Variants in IARS1 observed in about 807,000 individuals in gnomAD.
IARS1 encodes isoleucine--tRNA ligase, cytoplasmic.
A neutral mutation model predicts 168.2 loss-of-function variants in IARS1; 124 were observed. The observed-to-expected ratio is 0.74, with a 90% CI of 0.64 to 0.86. The LOEUF (loss-of-function observed/expected upper bound fraction) is 0.86. Ranked by LOEUF, IARS1 falls within the 40% of genes least tolerant of loss-of-function variation. IARS1 has a pLI of 0.00. For missense variants in IARS1, 1,452 were observed against 1,515.8 expected, an observed-to-expected ratio of 0.96 and a Z score of 0.70; for synonymous variants, 532 against 529.4, an observed-to-expected ratio of 1.00 and a Z score of -0.07.
chr9:92,250,333 G>A (rs775309633), intron 23 of IARS1, 44 bp from the exon 24 acceptor site: 7 of 1,259,710 alleles, frequency 5.6e-6, no homozygotes, highest in Non-Finnish European at 8.1e-6. Context: ...AGATTTAAGA[G>A]GAGAAAATTG....
intron 10 of IARS1, 55 bp from the exon 11 acceptor site, chr9:92,271,710 C>T: frequency 2.5e-6 from 4 of 1,575,246 alleles, no homozygotes; most frequent in Non-Finnish European, 1.7e-6. Flanking sequence ...TGGGTGTGAG[C>T]ATGAGGTAAT....
intron 33 of IARS1, among the ~76,000 whole-genome samples, chr9:92,218,884 C>T (rs900797446): frequency 6.6e-6 from 1 of 151,832 alleles, no homozygotes; most frequent in Non-Finnish European, 1.5e-5. Context: ...CCCCATCAAG[C>T]TACCAATGCC....
At chr9:92,246,788 T>C (rs898394909) in intron 26 of IARS1, among the ~76,000 whole-genome samples, 4 of 152,248 alleles carry the variant, frequency 2.6e-5, no homozygotes, top group African/African-American at 9.6e-5. Context: ...GGATTACAGA[T>C]GTGAGCCGCT....
In IARS1 at chr9:92,289,316, G is replaced by T; in HGVS notation, c.104C>A (p.Ser35Ter). Residue 35 changes from serine (S) to a stop codon, truncating the protein, a stop_gained, in exon 2 of 34, where the codon TCA (serine) becomes TAA (stop). Transcript: ENST00000443024. LOFTEE classifies it high-confidence loss of function. Reference protein sequence around the residue: ...FNCFQECLKQSKHKPKFTFYD... With the variant: ...FNCFQECLKQ ...ATTCACATACTTTGGTTTATGTTTT[G>T]ATTGCTTTAAGCATTCCTGAAAACA... is the stretch of plus-strand genomic sequence containing the variant. 8 of 1,449,428 alleles carry T rather than the reference G, an allele frequency of 5.5e-6. No homozygotes were observed. Among genetic ancestry groups the T allele is most frequent in the South Asian group, 2.4e-5 (2 of 84,088 alleles). 89.8% of individuals were successfully genotyped at this position (1,449,428 alleles called of 1,614,324 possible).
At chr9:92,282,063 A>T (rs1333577810) in intron 6 of IARS1, among the ~76,000 whole-genome samples, 1 of 152,184 alleles carries the variant, frequency 6.6e-6, no homozygotes, top group Non-Finnish European at 1.5e-5. Flanking sequence ...CATCAATGTT[A>T]ATTTTCTAAC....
chr9:92,288,111 G>A lies in IARS1; in HGVS notation c.276+15C>T. On this transcript the variant is annotated intron_variant, in intron 3 of 33. Coordinates refer to ENST00000443024, the MANE Select transcript of IARS1 (RefSeq NM_002161.6). ...AAAAAATCAGAAAATTATAAAGCTG[G>A]ATACTCAAACATACCACAGGTAAGC... 2 of 1,605,374 alleles carry A rather than the reference G, an allele frequency of 1.2e-6. No individual in the cohort carries two copies. The highest frequency in any genetic ancestry group is 1.7e-6 in the Non-Finnish European group (2 of 1,177,052).
chr9:92,213,828 T>C (rs1838171088), intron 33 of IARS1, among the ~76,000 whole-genome samples: 1 of 151,086 alleles, frequency 6.6e-6, no homozygotes, highest in Non-Finnish European at 1.5e-5. Context: ...ATTTTTTTTC[T>C]GAGATGGAGT....
At chr9:92,262,700 A>G (rs982945910) in intron 17 of IARS1, among the ~76,000 whole-genome samples, 1 of 152,242 alleles carries the variant, frequency 6.6e-6, no homozygotes, top group African/African-American at 2.4e-5. Flanking sequence ...TCTATAAGCA[A>G]AAGTATTTCA....
Position 92,279,657 on chromosome 9 carries a change from A to C in IARS1, c.745+1089T>G, listed in dbSNP as rs184056841. Among the ~76,000 whole-genome samples, 33 of 152,340 alleles carry C rather than the reference A, an allele frequency of 2.2e-4. No individual in the cohort carries two copies. The East Asian group carries it at 6.4e-3, about 29-fold the overall frequency. On this transcript the variant is annotated intron_variant, in intron 7 of 33. Transcript: ENST00000443024. ...TCAATCAAGTTGACTGTTTTAATAC[A>C]ACTATTTTTAAAAATCATGGTAACC...
intron 9 of IARS1, among the ~76,000 whole-genome samples, chr9:92,274,728 G>A (rs542241642): frequency 1.3e-5 from 2 of 152,052 alleles, no homozygotes; most frequent in Non-Finnish European, 2.9e-5. Flanking sequence ...ACTTATAAAC[G>A]AAATAATTAT....
At chr9:92,214,750 G>A (rs1298143507) in intron 33 of IARS1, among the ~76,000 whole-genome samples, 2 of 152,218 alleles carry the variant, frequency 1.3e-5, no homozygotes, top group Admixed American at 6.5e-5. Flanking sequence ...ATTATACCCC[G>A]CACCTAGCTC....
chr9:92,276,469 C>A (rs988461396), intron 9 of IARS1, among the ~76,000 whole-genome samples: 2 of 151,994 alleles, frequency 1.3e-5, no homozygotes, highest in Non-Finnish European at 2.9e-5. Context: ...GGGATGAGGG[C>A]AGAACATATG....
At chr9:92,273,912 G>T (rs1833442831) in intron 10 of IARS1, among the ~76,000 whole-genome samples, 1 of 152,216 alleles carries the variant, frequency 6.6e-6, no homozygotes, top group South Asian at 2.1e-4. Flanking sequence ...CCCAGGAACT[G>T]CCCGTTAGTG....
At chr9:92,275,721 C>G (rs569807418) in intron 9 of IARS1, among the ~76,000 whole-genome samples, 2 of 152,336 alleles carry the variant, frequency 1.3e-5, no homozygotes, top group South Asian at 4.1e-4. Context: ...TCAGTAGATA[C>G]CAACCACCAG....
chr9:92,222,239 C>T (rs1839763620), intron 33 of IARS1, among the ~76,000 whole-genome samples: 1 of 148,886 alleles, frequency 6.7e-6, no homozygotes, highest in East Asian at 2.0e-4. Context: ...ATCCTTGTTC[C>T]TGGGTTGAAG....
chr9:92,264,248 T>C (rs748098482), intron 16 of IARS1, among the ~76,000 whole-genome samples: 16 of 151,440 alleles, frequency 1.1e-4, no homozygotes, highest in African/African-American at 3.6e-4. Flanking sequence ...GGCAGAAGAA[T>C]TGCTTGAACC....
intron 27 of IARS1, chr9:92,243,558 A>T (rs1828757830): frequency 5.8e-6 from 2 of 345,684 alleles, no homozygotes; most frequent in African/African-American, 2.1e-5. Context: ...TGCTGCTCAC[A>T]GGAGATGCCC....
rs1346183456 is a variant in IARS1 at position 92,250,286 on chromosome 9, TTC to T, written c.2431_2432del (p.Glu811ArgfsTer4). 2 of 1,572,216 alleles carry T rather than the reference TTC, an allele frequency of 1.3e-6. No individual in the cohort carries two copies. The highest frequency in any genetic ancestry group is 1.8e-6 in the Non-Finnish European group (2 of 1,141,988). On this transcript the variant is annotated frameshift_variant and splice_region_variant, in exon 24 of 34. Transcript: ENST00000443024. LOFTEE classifies it high-confidence loss of function. Reference sequence around the variant, plus strand: ...TCTCTGTTTTCTTGTCAATCAATTCTTCTCTGAGTGGTAGAGGTAGGAATATG... The same window carrying T: ...TCTCTGTTTTCTTGTCAATCAATTCTTCTGAGTGGTAGAGGTAGGAATATG... ...IHYLMLPRVR[E>X]ELIDKKTESA...
At chr9:92,227,433 G>T in intron 31 of IARS1, among the ~76,000 whole-genome samples, 1 of 147,152 alleles carries the variant, frequency 6.8e-6, no homozygotes, top group South Asian at 2.2e-4. Context: ...CCGGGCGGGG[G>T]GCTGACCCCC....
Sources: allele counts gnomAD v4.1 joint callset (sites outside exome capture counted in the v4.1 genomes callset), GRCh38; gene constraint gnomAD v4.1.1; transcripts MANE v1.5; gene names NCBI Gene and HGNC (gene_info 2026-07-23, HGNC 2026-07-21).